Variants in DTNA observed in about 807,000 individuals in gnomAD.
DTNA encodes dystrobrevin alpha, also known as dystrophin-related protein 3.
A neutral mutation model predicts 100.7 loss-of-function variants in DTNA; 43 were observed. The ratio of observed to expected loss-of-function variants is 0.43; its 90% CI spans 0.33 to 0.55. The LOEUF (loss-of-function observed/expected upper bound fraction) is 0.55, where lower values mean the gene tolerates loss of function less well. DTNA is among the 20% of genes least tolerant of loss of function. The probability of loss-of-function intolerance (pLI) is 0.04; values close to 1 mark genes in which losing one functional copy is unlikely to be tolerated. For missense variants in DTNA, 798 were observed against 953.9 expected (o/e 0.84, Z 2.15); for synonymous variants, 349 against 347.9 (o/e 1.00, Z -0.04).
intron 1 of DTNA, among the ~76,000 whole-genome samples, chr18:34,677,413 A>G (rs1453354326): frequency 6.6e-6 from 1 of 151,590 alleles, no homozygotes; most frequent in Non-Finnish European, 1.5e-5. Flanking sequence ...TACAGGAACA[A>G]CAACCAGCAG....
At chr18:34,824,475 CAA>C (rs757094848) in intron 9 of DTNA, among the ~76,000 whole-genome samples, 1 of 131,538 alleles carries the variant, frequency 7.6e-6, no homozygotes, top group Non-Finnish European at 1.6e-5. Context: ...GACGCCATCT[CAA>C]AAAAAAAAAA....
At chr18:34,573,273 A>C (rs552828354) in intron 1 of DTNA, among the ~76,000 whole-genome samples, 2 of 152,230 alleles carry the variant, frequency 1.3e-5, no homozygotes, top group Non-Finnish European at 2.9e-5. Context: ...AGCTACACAC[A>C]TAACACAACT....
chr18:34,679,264 T>C (rs889627966), intron 1 of DTNA, among the ~76,000 whole-genome samples: 1 of 152,184 alleles, frequency 6.6e-6, no homozygotes, highest in Admixed American at 6.5e-5. Flanking sequence ...GTGAAATGAC[T>C]TCTACCATAA....
chr18:34,501,860 G>A (rs1222801891), intron 1 of DTNA, among the ~76,000 whole-genome samples: 1 of 152,092 alleles, frequency 6.6e-6, no homozygotes, highest in Admixed American at 6.5e-5. Context: ...AAGCATCCCT[G>A]GTGTCTCTCT....
chr18:34,587,063 A>G (rs2146812983), intron 1 of DTNA, among the ~76,000 whole-genome samples: 1 of 152,106 alleles, frequency 6.6e-6, no homozygotes, highest in Admixed American at 6.5e-5. Context: ...CCTGGGCTCA[A>G]GCAATCCTTC....
chr18:34,620,857 C>T (rs994357318), intron 1 of DTNA, among the ~76,000 whole-genome samples: 6 of 152,118 alleles, frequency 3.9e-5, no homozygotes, highest in Admixed American at 1.3e-4. Flanking sequence ...GGTGGGGACA[C>T]ATATCCAAAA....
intron 20 of DTNA, among the ~76,000 whole-genome samples, chr18:34,880,792 A>G (rs946780167): frequency 2.0e-5 from 3 of 152,154 alleles, no homozygotes; most frequent in African/African-American, 7.2e-5. Context: ...GGGACTTAAC[A>G]TGGCAGTACG....
chr18:34,530,043 G>A (rs1388654976), intron 1 of DTNA, among the ~76,000 whole-genome samples: 1 of 152,022 alleles, frequency 6.6e-6, no homozygotes, highest in Non-Finnish European at 1.5e-5. Flanking sequence ...ATATACAAAG[G>A]CCAGAGCTGC....
chr18:34,738,908 C>G (rs572800214), intron 1 of DTNA, among the ~76,000 whole-genome samples: 1 of 152,276 alleles, frequency 6.6e-6, no homozygotes, highest in East Asian at 1.9e-4. Context: ...TTCACTTGAA[C>G]TGTTTTTACA....
intron 14 of DTNA, among the ~76,000 whole-genome samples, chr18:34,849,218 G>A (rs1258219662): frequency 2.0e-5 from 3 of 152,174 alleles, no homozygotes; most frequent in African/African-American, 7.2e-5. Flanking sequence ...CATAAGTAAG[G>A]AGCAAACATG....
intron 1 of DTNA, among the ~76,000 whole-genome samples, chr18:34,583,971 C>T (rs12963430): frequency 0.1 from 15,606 of 151,970 alleles, 1,154 homozygotes; most frequent in African/African-American, 0.21. Flanking sequence ...GGATGAGATA[C>T]GATATAGAAA....
intron 1 of DTNA, among the ~76,000 whole-genome samples, chr18:34,715,978 G>A (rs2083968985): frequency 6.6e-6 from 1 of 152,088 alleles, no homozygotes; most frequent in Non-Finnish European, 1.5e-5. Context: ...GATAATGTCT[G>A]GTTTAGGAAA....
chr18:34,889,880 T>C lies in DTNA; in HGVS notation c.*2146T>C, dbSNP rs182528646. On this transcript the variant is annotated 3_prime_UTR_variant, in exon 23 of 23. Coordinates refer to ENST00000444659, the MANE Select transcript of DTNA (RefSeq NM_001386795.1). ...TGCGGGTTTTGTTGGGGTGTCTTAATGTTCATCTCTTTTCCACTGCCCATC... is the reference window on the plus strand; with the variant it reads ...TGCGGGTTTTGTTGGGGTGTCTTAACGTTCATCTCTTTTCCACTGCCCATC... 2.5e-5 allele frequency: 25 copies of C among 1,000,488 alleles called. No individual in the cohort carries two copies. Among genetic ancestry groups the C allele is most frequent in the Admixed American group, 1.1e-4 (2 of 17,870 alleles). The allele number at this position is 1,000,488 out of a possible 1,614,324, so 62.0% of individuals were successfully genotyped here. A position where few individuals can be genotyped will look rare whatever the true frequency, so the allele number is the denominator to read the frequency against.
chr18:34,564,436 A>C (rs1294409227), intron 1 of DTNA, among the ~76,000 whole-genome samples: 2 of 152,132 alleles, frequency 1.3e-5, no homozygotes. Context: ...GAGCCACAGC[A>C]CCTGGCCCCC....
intron 1 of DTNA, among the ~76,000 whole-genome samples, chr18:34,521,838 T>C (rs988799532): frequency 3.3e-5 from 5 of 152,192 alleles, no homozygotes; most frequent in South Asian, 2.1e-4. Flanking sequence ...CTTTTCCTCA[T>C]AGCCTTCTTT....
At chr18:34,614,748 C>T (rs998382723) in intron 1 of DTNA, among the ~76,000 whole-genome samples, 4 of 152,166 alleles carry the variant, frequency 2.6e-5, no homozygotes, top group Non-Finnish European at 5.9e-5. Context: ...TACAGATGAG[C>T]AAAGGAAGTG....
chr18:34,570,676 G>T (rs1014597258), intron 1 of DTNA, among the ~76,000 whole-genome samples: 1 of 152,172 alleles, frequency 6.6e-6, no homozygotes, highest in African/African-American at 2.4e-5. Context: ...AGCAACAAGG[G>T]TTATAAATCA....
chr18:34,844,570 T>C (rs1055144030), intron 13 of DTNA, among the ~76,000 whole-genome samples: 1 of 105,362 alleles, frequency 9.5e-6, no homozygotes, highest in African/African-American at 4.1e-5. Flanking sequence ...ATCCTCTTAA[T>C]AGAAGAGTAG....
chr18:34,690,101 TGAGCAA>T (rs1282322191), intron 1 of DTNA, among the ~76,000 whole-genome samples: 1 of 152,222 alleles, frequency 6.6e-6, no homozygotes, highest in Non-Finnish European at 1.5e-5. Context: ...TGGGATCCGC[TGAGCAA>T]GACCACTTGG....
Sources: allele counts gnomAD v4.1 joint callset (sites outside exome capture counted in the v4.1 genomes callset), GRCh38; gene constraint gnomAD v4.1.1; transcripts MANE v1.5; gene names NCBI Gene and HGNC (gene_info 2026-07-23, HGNC 2026-07-21).